The following STRADB variants were observed in gnomAD, a reference collection of about 807,000 sequenced individuals.
STRADB encodes STE20-related kinase adapter protein beta.
In STRADB, 34 loss-of-function variants were observed where a neutral mutation model predicts 52.1. The ratio of observed to expected loss-of-function variants is 0.65; its 90% CI spans 0.50 to 0.87. STRADB has a LOEUF of 0.87. Ranked by LOEUF, STRADB falls within the 40% of genes least tolerant of loss-of-function variation. STRADB has a pLI of 0.00. For synonymous variants in STRADB, 133 were observed against 174.5 expected (o/e 0.76, Z 1.87); for missense variants, 340 against 483.9 (o/e 0.70, Z 2.79).
rs1952551276 is a variant in STRADB, at chr2:201,480,332, A to C, written c.*157A>C. 4 of 1,475,914 alleles carry C rather than the reference A, an allele frequency of 2.7e-6. No homozygotes were observed. The highest frequency in any genetic ancestry group is 1.4e-5 in the African/African-American group (1 of 70,692). The allele number at this position is 1,475,914 out of a possible 1,614,324, so 91.4% of individuals were successfully genotyped here. A position where few individuals can be genotyped will look rare whatever the true frequency, so the allele number is the denominator to read the frequency against. ...AAACCACTCTGTTCAAAGGGGCACC[A>C]GTTTGTAGTCCCTCTGTTTCGCACA... is the stretch of plus-strand genomic sequence containing the variant. On this transcript the variant is annotated 3_prime_UTR_variant, in exon 12 of 12. Coordinates refer to ENST00000194530, the MANE Select transcript of STRADB (RefSeq NM_018571.6).
chr2:201,473,570 C>T (rs73988793), intron 5 of STRADB, among the ~76,000 whole-genome samples: 9,980 of 152,232 alleles, frequency 0.066, 410 homozygotes, highest in African/African-American at 0.11. Context: ...GGAAAGAATA[C>T]TTGGAAGCCA....
intron 11 of STRADB, among the ~76,000 whole-genome samples, chr2:201,479,740 A>C (rs1170400113): frequency 6.6e-6 from 1 of 152,238 alleles, no homozygotes; most frequent in Non-Finnish European, 1.5e-5. Context: ...GAGTAAAAAT[A>C]AAATGGACTA....
At chr2:201,460,572 A>C (rs1952198172) in intron 3 of STRADB, among the ~76,000 whole-genome samples, 1 of 152,000 alleles carries the variant, frequency 6.6e-6, no homozygotes, top group Non-Finnish European at 1.5e-5. Flanking sequence ...CCATGAGTTC[A>C]ATTGTTTTAA....
rs200879276 is a variant in STRADB at position 201,479,550 on chromosome 2, C to T, written c.1113+19C>T. ...CAAACAGGTGAGCTGATCTATCATC[C>T]GTTGTCTCGATGTTTTTAATTACTA... On this transcript the variant is annotated intron_variant, in intron 11 of 11. Transcript: ENST00000194530. The T allele has an allele frequency of 1.4e-4, 225 of 1,590,088 alleles. No homozygotes were observed. Among genetic ancestry groups the T allele is most frequent in the Non-Finnish European group, 1.7e-4 (201 of 1,173,782 alleles).
In STRADB at chr2:201,480,231, TC is replaced by T. The variant is rs1952549571; in HGVS notation, c.*57del. Reference sequence around the variant, plus strand: ...TTGACACTTTCTCCTTGCTGCTTTTTCTTCTGTATTTCTAGGTACAAATACC... The same window carrying T: ...TTGACACTTTCTCCTTGCTGCTTTTTTTCTGTATTTCTAGGTACAAATACC... On this transcript the variant is annotated 3_prime_UTR_variant, in exon 12 of 12. Transcript: ENST00000194530. 1 of 1,597,234 alleles carries T rather than the reference TC, an allele frequency of 6.3e-7. No homozygotes were observed. Among genetic ancestry groups the T allele is most frequent in the Non-Finnish European group, 8.5e-7 (1 of 1,171,640 alleles).
At chr2:201,472,223 T>C (rs1952401119) in intron 4 of STRADB, among the ~76,000 whole-genome samples, 1 of 152,218 alleles carries the variant, frequency 6.6e-6, no homozygotes, top group Non-Finnish European at 1.5e-5. Context: ...AAGCATATGT[T>C]TATCACATGA....
chr2:201,465,217 C>CTT, intron 3 of STRADB, among the ~76,000 whole-genome samples: 1 of 152,324 alleles, frequency 6.6e-6, no homozygotes, highest in Middle Eastern at 3.4e-3. Context: ...ACACCTGAAG[C>CTT]CAGCATGGCC....
intron 1 of STRADB, among the ~76,000 whole-genome samples, chr2:201,453,857 TAAATGATCACAGCCTTTCAGGTCC>T (rs1952088061): frequency 6.6e-6 from 1 of 152,208 alleles, no homozygotes; most frequent in African/African-American, 2.4e-5. Context: ...GGTAGGTGGC[TAAATGATCACAGCCTTTCAGGTCC>T]GTCTTCCTCC....
At chr2:201,477,911 T>G (rs1222867164) in intron 8 of STRADB, 121 bp downstream of exon 8, 1 of 1,311,842 alleles carries the variant, frequency 7.6e-7, no homozygotes, top group Non-Finnish European at 1.1e-6. Flanking sequence ...TTTATTTCTC[T>G]TTCTTGTCAA....
rs1422218301 is a variant in STRADB, at chr2:201,479,434, A to C, written c.1071-55A>C. On this transcript the variant is annotated intron_variant, in intron 10 of 11. Coordinates refer to ENST00000194530, the MANE Select transcript of STRADB (RefSeq NM_018571.6). Reference sequence around the variant, plus strand: ...AATTTCTAACATATTTTTACACCTGAAATCTACATTCTAATATAAAGGTTT... The same window carrying C: ...AATTTCTAACATATTTTTACACCTGCAATCTACATTCTAATATAAAGGTTT... 4.0e-6 allele frequency: 6 copies of C among 1,490,474 alleles called. No individual in the cohort carries two copies. In the East Asian group the frequency reaches 1.2e-4, roughly 29 times the overall value. The allele number at this position is 1,490,474 out of a possible 1,614,324, so 92.3% of individuals were successfully genotyped here.
Position 201,454,735 on chromosome 2 carries a change from G to GT in STRADB, c.-95-5dup. 3 of 1,147,108 alleles carry GT rather than the reference G, an allele frequency of 2.6e-6. No homozygotes were observed. The highest frequency in any genetic ancestry group is 1.6e-5 in the African/African-American group (1 of 64,164). The allele number at this position is 1,147,108 out of a possible 1,614,324, so 71.1% of individuals were successfully genotyped here. A position where few individuals can be genotyped will look rare whatever the true frequency, so the allele number is the denominator to read the frequency against. On this transcript the variant is annotated splice_polypyrimidine_tract_variant and intron_variant, in intron 1 of 11. Transcript: ENST00000194530. The stretch of plus-strand genomic sequence containing the variant: ...TGTGAATCTAAATTATTTTGCTTTT[G>GT]TTTTTTATAGTAGGATATATCTGCA...
At position 201,465,602 on chromosome 2, in the gene STRADB, C is replaced by T. The variant is rs994280152; in HGVS notation, c.94-4351C>T. 1.2e-4 allele frequency among the ~76,000 whole-genome samples: 18 copies of T among 152,354 alleles called. No individual in the cohort carries two copies. The East Asian group carries it at 3.5e-3, about 29-fold the overall frequency. ...TGACAGAAGCACTCCCTTGGCTGCCCTGACTAGTGTCTCACTAGGTCATGG... is the reference window on the plus strand; with the variant it reads ...TGACAGAAGCACTCCCTTGGCTGCCTTGACTAGTGTCTCACTAGGTCATGG... On this transcript the variant is annotated intron_variant, in intron 3 of 11. Transcript: ENST00000194530.
In STRADB at chr2:201,477,707, G is replaced by GGACA; in HGVS notation, c.640_643dup (p.Arg215ThrfsTer4). ...CCATCTGCATAGTTTGGTTAAGCAT[G>GGACA]GACAGAGGCATAGGGCTGTGTATGA... On this transcript the variant is annotated frameshift_variant, in exon 8 of 12. Transcript: ENST00000194530. LOFTEE classifies it high-confidence loss of function. The GGACA allele has an allele frequency of 6.2e-7, 1 of 1,613,810 alleles. No homozygotes were observed. The highest frequency in any genetic ancestry group is 8.5e-7 in the Non-Finnish European group (1 of 1,179,738).
chr2:201,451,741 T>A lies in STRADB; in HGVS notation c.-293T>A, dbSNP rs1323903384. The A allele has an allele frequency of 1.3e-5, 2 of 151,748 alleles. No individual in the cohort carries two copies. Among genetic ancestry groups the A allele is most frequent in the African/African-American group, 4.8e-5 (2 of 41,316 alleles). The allele number at this position is 151,748 out of a possible 1,614,324, so 9.4% of individuals were successfully genotyped here. A position where few individuals can be genotyped will look rare whatever the true frequency, so the allele number is the denominator to read the frequency against. On this transcript the variant is annotated 5_prime_UTR_variant, in exon 1 of 12. Transcript: ENST00000194530. ...CCCCGGCGCGGGTGGGGCGAATGCG[T>A]TCCCAGCGGGTAGCCTGGGACTGGT...
chr2:201,455,583 G>A (rs1454321949), intron 2 of STRADB, among the ~76,000 whole-genome samples: 3 of 151,994 alleles, frequency 2.0e-5, no homozygotes, highest in Non-Finnish European at 2.9e-5. Context: ...TCATATGCCT[G>A]TAGTCTCAGC....
At chr2:201,472,153 G>T (rs1417067301) in intron 4 of STRADB, among the ~76,000 whole-genome samples, 2 of 152,172 alleles carry the variant, frequency 1.3e-5, no homozygotes, top group Non-Finnish European at 2.9e-5. Flanking sequence ...TACATTGTTT[G>T]TGGGAATATG....
At chr2:201,455,094 T>G (rs1014690191) in intron 2 of STRADB, among the ~76,000 whole-genome samples, 1 of 152,228 alleles carries the variant, frequency 6.6e-6, no homozygotes, top group Non-Finnish European at 1.5e-5. Flanking sequence ...CCATATCTAC[T>G]TTTTCTCATA....
At chr2:201,466,615 G>C (rs928037420) in intron 3 of STRADB, among the ~76,000 whole-genome samples, 1 of 152,156 alleles carries the variant, frequency 6.6e-6, no homozygotes, top group African/African-American at 2.4e-5. Flanking sequence ...ATCATGTTTG[G>C]AGGACAGTCT....
Position 201,468,413 on chromosome 2 carries a change from C to T in STRADB, c.94-1540C>T, listed in dbSNP as rs534441850. Among the ~76,000 whole-genome samples the T allele has an allele frequency of 1.3e-4, 20 of 152,076 alleles. No individual in the cohort carries two copies. The South Asian group carries it at 3.9e-3, about 30-fold the overall frequency. ...GCTGGGCAACAGCATCAAGCTTGCC[C>T]CTTTGTAGTTTTCTCCCTTTTTGAA... On this transcript the variant is annotated intron_variant, in intron 3 of 11. Coordinates refer to ENST00000194530, the MANE Select transcript of STRADB (RefSeq NM_018571.6).
Sources: allele counts gnomAD v4.1 joint callset (sites outside exome capture counted in the v4.1 genomes callset), GRCh38; gene constraint gnomAD v4.1.1; transcripts MANE v1.5; gene names NCBI Gene and HGNC (gene_info 2026-07-23, HGNC 2026-07-21).